SPDYE21: variants seen among roughly 807,000 people sequenced by gnomAD.
The protein encoded by SPDYE21 is speedy protein E21.
In SPDYE21, 14 loss-of-function variants were observed where a neutral mutation model predicts 36.2. That is an observed-to-expected ratio of 0.39 (90% CI 0.26 to 0.61). The LOEUF is 0.61. Among genes scored for constraint, SPDYE21 ranks in the 20% least tolerant of loss-of-function variants. The pLI, the probability that SPDYE21 is intolerant of heterozygous loss-of-function variation, is 0.55. For synonymous variants in SPDYE21, 58 were observed against 155.1 expected (o/e 0.37, Z 4.65); for missense variants, 233 against 424.6 (o/e 0.55, Z 3.97).
In SPDYE21 at chr7:67,286,063, G is replaced by C. The variant is rs1802725327; in HGVS notation, c.775G>C (p.Glu259Gln). 6.2e-7 allele frequency: 1 copy of C among 1,613,250 alleles called. No individual in the cohort carries two copies. Among genetic ancestry groups the C allele is most frequent in the African/African-American group, 1.3e-5 (1 of 74,926 alleles). Residue 259 changes from glutamate to glutamine, a missense_variant, in exon 7 of 9, where the codon GAG (glutamate) becomes CAG (glutamine). This residue lies in a region of SPDYE21 where 139 missense variants were observed against 175.8 expected (regional missense o/e 0.79). Coordinates refer to ENST00000424157, the MANE Select transcript of SPDYE21 (RefSeq NM_001382715.2). ...CCTCAGCTACCTGGCCAATGACATG[G>C]AGGAGGACGACGAGGACTCCAAACA... The part of the protein sequence containing the change: ...FLALYLANDM[E>Q]EDDEDSKQNI...
intron 4 of SPDYE21, among the ~76,000 whole-genome samples, 196 bp downstream of exon 4, chr7:67,281,800 CT>C (rs925057391): frequency 3.9e-5 from 6 of 152,140 alleles, no homozygotes; most frequent in African/African-American, 1.4e-4. Flanking sequence ...AAGGTCAGTG[CT>C]TGGGATAAGA....
Position 67,286,413 on chromosome 7 carries a change from G to T in SPDYE21, c.1125G>T (p.Trp375Cys), listed in dbSNP as rs1431264846. The change falls in exon 7 of 9, where the codon TGG becomes TGT. Residue 375 changes from tryptophan to cysteine, a missense_variant. By Grantham distance (215) the Trp-to-Cys change is radical. Coordinates refer to ENST00000424157, the MANE Select transcript of SPDYE21 (RefSeq NM_001382715.2). ...TCTGTTCCATGAGCGGCAGGGCTTGGGTTTCCCCGGAGGAGTTGGAGGAGG... is the reference window on the plus strand; with the variant it reads ...TCTGTTCCATGAGCGGCAGGGCTTGTGTTTCCCCGGAGGAGTTGGAGGAGG... The part of the protein sequence containing the change: ...QFFCSMSGRA[W>C]VSPEELEEIQ... Among the ~76,000 whole-genome samples, 4 of 152,172 alleles carry T rather than the reference G, an allele frequency of 2.6e-5. No homozygotes were observed. The highest frequency in any genetic ancestry group is 4.8e-5 in the African/African-American group (2 of 41,444).
At position 67,288,458 on chromosome 7, in the gene SPDYE21, T is replaced by TTTTATTTATTTAAATATTTATTAAATATA. The variant is rs1266018229; in HGVS notation, c.*1005_*1033dup. On this transcript the variant is annotated 3_prime_UTR_variant, in exon 9 of 9. Coordinates refer to ENST00000424157, the MANE Select transcript of SPDYE21 (RefSeq NM_001382715.2). ...TGGGTATAGAATTATTTAAATATTA[T>TTTTATTTATTTAAATATTTATTAAATATA]TTTATTTATTTAAATATTTATTAAA... is the stretch of plus-strand genomic sequence containing the variant. Among the ~76,000 whole-genome samples, 24 of 147,116 alleles carry TTTTATTTATTTAAATATTTATTAAATATA rather than the reference T, an allele frequency of 1.6e-4. No homozygotes were observed. The highest frequency in any genetic ancestry group is 4.4e-4 in the African/African-American group (18 of 40,854).
intron 2 of SPDYE21, among the ~76,000 whole-genome samples, chr7:67,279,598 G>A (rs760337357): frequency 8.9e-4 from 135 of 152,248 alleles, no homozygotes; most frequent in Admixed American, 3.7e-3. Flanking sequence ...AGGGACCAGG[G>A]AAGGACATGA....
intron 6 of SPDYE21, among the ~76,000 whole-genome samples, chr7:67,285,665 C>T (rs986265939): frequency 6.6e-6 from 1 of 152,258 alleles, no homozygotes; most frequent in African/African-American, 2.4e-5. Flanking sequence ...GCTGGGATTA[C>T]AGGCATGAGC....
At position 67,286,298 on chromosome 7, in the gene SPDYE21, G is replaced by A. The variant is rs532433153; in HGVS notation, c.1010G>A (p.Arg337His). The change falls in exon 7 of 9, where the codon CGT becomes CAT. Residue 337 changes from arginine to histidine, a missense_variant. Around this residue, in one of 4 missense-constraint regions of SPDYE21, gnomAD observed 139 missense variants for 175.8 expected, o/e 0.79. Transcript: ENST00000424157. ...TCTCGCATACCCTTGGTCCGTAAGC[G>A]TCGGTTCCAGTTACGCCGTTGCATG... ...YRSRIPLVRK[R>H]RFQLRRCMNP... The A allele has an allele frequency of 8.1e-5, 129 of 1,600,786 alleles. No homozygotes were observed. Among genetic ancestry groups the A allele is most frequent in the Non-Finnish European group, 9.9e-5 (116 of 1,170,166 alleles).
At chr7:67,280,187 A>C (rs1473979955) in intron 3 of SPDYE21, among the ~76,000 whole-genome samples, 151 bp downstream of exon 3, 1 of 152,224 alleles carries the variant, frequency 6.6e-6, no homozygotes, top group Non-Finnish European at 1.5e-5. Context: ...CATGAGGGAC[A>C]CTTAGGAGAC....
intron 4 of SPDYE21, among the ~76,000 whole-genome samples, chr7:67,282,128 G>A (rs1441978863): frequency 6.6e-6 from 1 of 152,158 alleles, no homozygotes; most frequent in Non-Finnish European, 1.5e-5. Flanking sequence ...GCAAGACTCT[G>A]TCTCAAAATA....
intron 5 of SPDYE21, 95 bp from the exon 6 acceptor site, chr7:67,283,818 G>A: frequency 3.4e-6 from 3 of 878,036 alleles, no homozygotes; most frequent in East Asian, 4.9e-5. Context: ...CTTCTCTGAT[G>A]GGCAGCCCCT....
rs1252199806 is a variant in SPDYE21 at position 67,287,648 on chromosome 7, G to C, written c.*176G>C. On this transcript the variant is annotated 3_prime_UTR_variant, in exon 9 of 9. Transcript: ENST00000424157. The stretch of plus-strand genomic sequence containing the variant: ...AAGAACCTGGACCATTCTTGATGGA[G>C]CTGAATACAGTGATCACGTGTCCTC... 7.3e-6 allele frequency among the ~76,000 whole-genome samples: 1 copy of C among 137,164 alleles called. No homozygotes were observed. Among genetic ancestry groups the C allele is most frequent in the Non-Finnish European group, 1.5e-5 (1 of 64,680 alleles). 90.0% of individuals were successfully genotyped at this position (137,164 alleles called of 152,430 possible). A position where few individuals can be genotyped will look rare whatever the true frequency, so the allele number is the denominator to read the frequency against.
chr7:67,277,148 G>A (rs1450730361), intron 1 of SPDYE21, among the ~76,000 whole-genome samples, 86 bp downstream of exon 1: 1 of 151,978 alleles, frequency 6.6e-6, no homozygotes, highest in Non-Finnish European at 1.5e-5. Flanking sequence ...TGCAACCTGC[G>A]CACCATGAGT....
rs1802574657 is a variant in SPDYE21 at position 67,278,376 on chromosome 7, G to A, written c.-338G>A. ...GAGTGGAGAGGACACAGCCTCTGCT[G>A]GGACAGGGAACAGAGGGATGTGGAG... On this transcript the variant is annotated 5_prime_UTR_variant, in exon 2 of 9. An upstream open reading frame in the 5' UTR gains an earlier in-frame stop. Coordinates refer to ENST00000424157, the MANE Select transcript of SPDYE21 (RefSeq NM_001382715.2). 7.4e-6 allele frequency among the ~76,000 whole-genome samples: 1 copy of A among 134,970 alleles called. No homozygotes were observed. Among genetic ancestry groups the A allele is most frequent in the African/African-American group, 2.9e-5 (1 of 34,490 alleles). 88.5% of individuals were successfully genotyped at this position (134,970 alleles called of 152,430 possible).
At position 67,279,846 on chromosome 7, in the gene SPDYE21, T is replaced by C; in HGVS notation, c.189T>C (p.Cys63=). 1 of 1,593,580 alleles carries C rather than the reference T, an allele frequency of 6.3e-7. No homozygotes were observed. The highest frequency in any genetic ancestry group is 8.5e-7 in the Non-Finnish European group (1 of 1,178,596). The change falls in exon 3 of 9, where the codon TGT becomes TGC. Residue 63 remains cysteine, a synonymous_variant. Transcript: ENST00000424157. ...CTGGGGTAGATCCCAGCCCCCCATG[T>C]AGGTCCCTTGGCTGGAAAAGGAAGA... ...SAPGVDPSPP[C]RSLGWKRKKE...
rs1195475891 is a variant in SPDYE21, at chr7:67,280,382, G to T, written c.379+346G>T. 6.6e-5 allele frequency among the ~76,000 whole-genome samples: 10 copies of T among 152,028 alleles called. No individual in the cohort carries two copies. In the East Asian group the frequency reaches 1.7e-3, roughly 27 times the overall value. On this transcript the variant is annotated intron_variant, in intron 3 of 8. Coordinates refer to ENST00000424157, the MANE Select transcript of SPDYE21 (RefSeq NM_001382715.2). ...GACTGCACCACTGCACTCCAGCCTG[G>T]GTGACAGAGCAAAACCCTGTGTCAA...
intron 2 of SPDYE21, among the ~76,000 whole-genome samples, chr7:67,279,183 CAA>C (rs1223759313): frequency 1.1e-4 from 13 of 115,598 alleles, no homozygotes; most frequent in Non-Finnish European, 1.3e-4. Context: ...ACTGCACTCC[CAA>C]AAAAAAAAAA....
chr7:67,288,458 TTTTA>T lies in SPDYE21; in HGVS notation c.*995_*998del, dbSNP rs1175472166. 2.7e-5 allele frequency among the ~76,000 whole-genome samples: 4 copies of T among 147,148 alleles called. No individual in the cohort carries two copies. Among genetic ancestry groups the T allele is most frequent in the Admixed American group, 6.8e-5 (1 of 14,678 alleles). On this transcript the variant is annotated 3_prime_UTR_variant, in exon 9 of 9. Coordinates refer to ENST00000424157, the MANE Select transcript of SPDYE21 (RefSeq NM_001382715.2). Reference sequence around the variant, plus strand: ...TGGGTATAGAATTATTTAAATATTATTTTATTTATTTAAATATTTATTAAATATA... The same window carrying T: ...TGGGTATAGAATTATTTAAATATTATTTTATTTAAATATTTATTAAATATA...
In SPDYE21 at chr7:67,279,837, C is replaced by T; in HGVS notation, c.180C>T (p.Ser60=). 4 of 1,593,714 alleles carry T rather than the reference C, an allele frequency of 2.5e-6. No individual in the cohort carries two copies. The highest frequency in any genetic ancestry group is 2.2e-4 in the Middle Eastern group (1 of 4,456). The part of the protein sequence containing the change: ...LGPSAPGVDP[S]PPCRSLGWKR... ...ACTCAGCCCCTGGGGTAGATCCCAGCCCCCCATGTAGGTCCCTTGGCTGGA... is the reference window on the plus strand; with the variant it reads ...ACTCAGCCCCTGGGGTAGATCCCAGTCCCCCATGTAGGTCCCTTGGCTGGA... The change falls in exon 3 of 9, where the codon AGC becomes AGT. Residue 60 remains serine, a synonymous_variant. Transcript: ENST00000424157.
intron 2 of SPDYE21, 142 bp from the exon 3 acceptor site, chr7:67,279,676 G>A: frequency 6.3e-7 from 1 of 1,582,360 alleles, no homozygotes; most frequent in South Asian, 1.1e-5. Context: ...GGGTTGAGCA[G>A]AGGAGAAAAT....
At chr7:67,284,445 T>C in intron 6 of SPDYE21, among the ~76,000 whole-genome samples, 1 of 45,842 alleles carries the variant, frequency 2.2e-5, no homozygotes, top group African/African-American at 9.0e-5. Flanking sequence ...TGAGACTTTT[T>C]CTCAAAAAAA....
Sources: gnomAD v4.1 joint callset for allele counts (sites outside exome capture counted in the v4.1 genomes callset) on GRCh38, gnomAD v4.1.1 for gene constraint, gnomAD v4.1.1 regional missense constraint, MANE v1.5 for transcripts, NCBI Gene and HGNC (gene_info 2026-07-23, HGNC 2026-07-21) for gene names.